ALG12: variants seen among roughly 807,000 people sequenced by gnomAD.
ALG12 encodes the protein dol-P-Man:Man(7)GlcNAc(2)-PP-Dol alpha-1,6-mannosyltransferase.
ALG12 carries 36 observed loss-of-function variants against 46.0 expected under a neutral mutation model. The ratio of observed to expected loss-of-function variants is 0.78; its 90% CI spans 0.60 to 1.03. The LOEUF (loss-of-function observed/expected upper bound fraction) is 1.03. ALG12 is among the 50% of genes least tolerant of loss of function. ALG12 has a pLI of 0.00. For missense variants in ALG12, 599 were observed against 633.5 expected (o/e 0.95, Z 0.58); for synonymous variants, 326 against 291.6 (o/e 1.12, Z -1.20).
the ALG12 span, among the ~76,000 whole-genome samples, chr22:49,869,383 C>T: frequency 2.0e-5 from 3 of 152,178 alleles, no homozygotes; most frequent in Non-Finnish European, 4.4e-5. Context: ...TTTTTGGCAG[C>T]GCTCGTCCTC....
At chr22:49,881,811 C>T in the ALG12 span, among the ~76,000 whole-genome samples, 1 of 152,192 alleles carries the variant, frequency 6.6e-6, no homozygotes, top group South Asian at 2.1e-4. Context: ...GGGTTACAGG[C>T]ATGAGCCACT....
At chr22:49,861,155 C>G in the ALG12 span, among the ~76,000 whole-genome samples, 21 of 152,174 alleles carry the variant, frequency 1.4e-4, no homozygotes, top group Non-Finnish European at 2.5e-4. Flanking sequence ...TCCTGTCTTT[C>G]ACAAAAGTTA....
At chr22:49,871,442 C>G in the ALG12 span, among the ~76,000 whole-genome samples, 1 of 151,990 alleles carries the variant, frequency 6.6e-6, no homozygotes, top group Non-Finnish European at 1.5e-5. Context: ...CCGATATTGC[C>G]ACTGCACTCC....
the ALG12 span, among the ~76,000 whole-genome samples, chr22:49,861,118 C>G: frequency 6.6e-6 from 1 of 152,164 alleles, no homozygotes; most frequent in Non-Finnish European, 1.5e-5. Context: ...TAAAAGTAAG[C>G]AAAACACACC....
the ALG12 span, among the ~76,000 whole-genome samples, chr22:49,875,418 C>T: frequency 6.9e-5 from 10 of 145,164 alleles, no homozygotes; most frequent in South Asian, 2.2e-4. Context: ...AATTTATTTT[C>T]TTTTTTTTTT....
intron 7 of ALG12, 65 bp from the exon 8 acceptor site, chr22:49,904,571 A>G (rs1237589242): frequency 1.9e-6 from 3 of 1,573,640 alleles, no homozygotes; most frequent in Non-Finnish European, 2.6e-6. Context: ...TCTACCTACA[A>G]AACATACTAG....
chr22:49,915,883 T>C (rs2060606511), intron 1 of ALG12, among the ~76,000 whole-genome samples: 2 of 152,182 alleles, frequency 1.3e-5, no homozygotes, highest in South Asian at 2.1e-4. Context: ...TGCCGCACAG[T>C]AGGCACTCAA....
At position 49,909,323 on chromosome 22, in the gene ALG12, TAA is replaced by T. The variant is rs756534747; in HGVS notation, c.687_688del (p.Tyr230PhefsTer104). 6.2e-7 allele frequency: 1 copy of T among 1,614,140 alleles called. No individual in the cohort carries two copies. The highest frequency in any genetic ancestry group is 8.5e-7 in the Non-Finnish European group (1 of 1,180,024). ...CGGCCAAGTGAGCTGCCGCCAAAAA[TAA>T]GAGTCCACAGCAACCGTCAGTCCTG... On this transcript the variant is annotated frameshift_variant, in exon 6 of 10. Coordinates refer to ENST00000330817, the MANE Select transcript of ALG12 (RefSeq NM_024105.4). LOFTEE classifies it high-confidence loss of function.
chr22:49,863,763 A>T, the ALG12 span, among the ~76,000 whole-genome samples: 1 of 152,182 alleles, frequency 6.6e-6, no homozygotes, highest in African/African-American at 2.4e-5. Flanking sequence ...TAAATGCCTG[A>T]TTCTTTTTTT....
At chr22:49,886,138 C>T in the ALG12 span, 1 of 685,902 alleles carries the variant, frequency 1.5e-6, no homozygotes, top group Non-Finnish European at 2.7e-6. The surrounding 1 kb of genome is among the most constrained non-coding windows in gnomAD (Gnocchi z 7.7). Context: ...CTCGAGCGTG[C>T]AGTGCTTCAG....
At chr22:49,884,799 G>C in the ALG12 span, 1 of 1,609,416 alleles carries the variant, frequency 6.2e-7, no homozygotes. Flanking sequence ...CAGTAAAGCC[G>C]GTCAGAGAGT....
intron 7 of ALG12, among the ~76,000 whole-genome samples, chr22:49,907,302 C>T (rs1010552211): frequency 4.6e-5 from 7 of 152,186 alleles, no homozygotes; most frequent in East Asian, 1.9e-4. Flanking sequence ...AGACTGGGAC[C>T]GCTGGTGCAT....
chr22:49,903,027 GCAGCAGCACCTGGTCCCATCTC>G lies in ALG12; in HGVS notation c.*789_*810del, dbSNP rs528647143. 148 of 348,542 alleles carry G rather than the reference GCAGCAGCACCTGGTCCCATCTC, an allele frequency of 4.2e-4. 1 individual carries two copies. Among genetic ancestry groups the G allele is most frequent in the Non-Finnish European group, 7.4e-4 (132 of 179,120 alleles). The allele number at this position is 348,542 out of a possible 1,614,324, so 21.6% of individuals were successfully genotyped here. ...GTATGCATGGTGTGTGCATACGTGT[GCAGCAGCACCTGGTCCCATCTC>G]CAGTGCCCAGCAGCATCACACGCAC... is the stretch of plus-strand genomic sequence containing the variant. On this transcript the variant is annotated 3_prime_UTR_variant, in exon 10 of 10. Transcript: ENST00000330817.
chr22:49,866,881 C>T, the ALG12 span, among the ~76,000 whole-genome samples: 14 of 152,328 alleles, frequency 9.2e-5, no homozygotes, highest in East Asian at 1.4e-3. Flanking sequence ...GGCTCTTGAA[C>T]GGTGGCTCTC....
chr22:49,867,345 C>T, the ALG12 span, among the ~76,000 whole-genome samples: 1 of 152,200 alleles, frequency 6.6e-6, no homozygotes, highest in African/African-American at 2.4e-5. Context: ...CCCTGGGCCC[C>T]TGAAGAAGCG....
the ALG12 span, among the ~76,000 whole-genome samples, chr22:49,862,307 C>T: frequency 6.6e-6 from 1 of 152,216 alleles, no homozygotes; most frequent in South Asian, 2.1e-4. Flanking sequence ...GGAGGCCTTA[C>T]TTTTTTGCTG....
At chr22:49,910,367 A>T in intron 4 of ALG12, 67 bp downstream of exon 4, 1 of 1,570,134 alleles carries the variant, frequency 6.4e-7, no homozygotes, top group Non-Finnish European at 8.6e-7. Context: ...CATCAGCTGC[A>T]CAGCCCGACT....
the ALG12 span, among the ~76,000 whole-genome samples, chr22:49,861,916 T>C: frequency 6.6e-6 from 1 of 152,154 alleles, no homozygotes. Context: ...GGTGGGAGGA[T>C]ACATGTAATT....
At chr22:49,884,347 G>A in the ALG12 span, 1 of 1,613,398 alleles carries the variant, frequency 6.2e-7, no homozygotes, top group Non-Finnish European at 8.5e-7. Flanking sequence ...GTCTGTGTCT[G>A]TAGTTTCTTC....
Sources: allele counts gnomAD v4.1 joint callset (sites outside exome capture counted in the v4.1 genomes callset), GRCh38; gene constraint gnomAD v4.1.1; non-coding constraint Gnocchi (gnomAD v3.1); transcripts MANE v1.5; gene names NCBI Gene and HGNC (gene_info 2026-07-23, HGNC 2026-07-21).